PRICKLE2: variants seen among roughly 807,000 people sequenced by gnomAD.
The protein encoded by PRICKLE2 is prickle-like protein 2.
Under a neutral mutation model 81.4 loss-of-function variants are expected in PRICKLE2, and 21 were observed. The ratio of observed to expected loss-of-function variants is 0.26; its 90% CI spans 0.18 to 0.37. The LOEUF is 0.37. PRICKLE2 is among the 10% of genes least tolerant of loss of function. The pLI is 1.00. For missense variants in PRICKLE2, 940 were observed against 1,109.0 expected, an observed-to-expected ratio of 0.85 and a Z score of 2.16; for synonymous variants, 456 against 421.5, an observed-to-expected ratio of 1.08 and a Z score of -1.00.
At chr3:64,172,229 A>G (rs1036937120) in intron 2 of PRICKLE2, among the ~76,000 whole-genome samples, 2 of 152,256 alleles carry the variant, frequency 1.3e-5, no homozygotes, top group Non-Finnish European at 2.9e-5. Flanking sequence ...CTACACTTAA[A>G]TAGACTCCCT....
intron 2 of PRICKLE2, among the ~76,000 whole-genome samples, chr3:64,266,066 T>C (rs1362823031): frequency 6.6e-6 from 1 of 152,178 alleles, no homozygotes; most frequent in Non-Finnish European, 1.5e-5. Flanking sequence ...GAGGAAAGAC[T>C]GCCTTGTAAC....
intron 2 of PRICKLE2, among the ~76,000 whole-genome samples, chr3:64,235,306 G>A (rs1431526328): frequency 6.6e-6 from 1 of 152,126 alleles, no homozygotes; most frequent in Non-Finnish European, 1.5e-5. Context: ...TGTTTAGAAA[G>A]TTTCATGTAG....
At chr3:64,154,638 G>A (rs1399406358) in intron 5 of PRICKLE2, 1 of 152,166 alleles carries the variant, frequency 6.6e-6, no homozygotes, top group Non-Finnish European at 1.5e-5. Context: ...AAATCTTTAT[G>A]ATCTTGAACT....
intron 2 of PRICKLE2, among the ~76,000 whole-genome samples, chr3:64,251,436 G>A (rs990607776): frequency 1.4e-4 from 22 of 152,148 alleles, no homozygotes; most frequent in African/African-American, 5.1e-4. Context: ...TTTGTCAGTG[G>A]GACAGGGGGG....
intron 2 of PRICKLE2, among the ~76,000 whole-genome samples, chr3:64,260,834 T>C (rs1031476813): frequency 2.6e-5 from 4 of 152,192 alleles, no homozygotes. Flanking sequence ...CTGGGAAAGA[T>C]CAGCTCTGAC....
chr3:64,258,467 A>G (rs978082436), intron 2 of PRICKLE2, among the ~76,000 whole-genome samples: 4 of 152,202 alleles, frequency 2.6e-5, no homozygotes, highest in Non-Finnish European at 5.9e-5. Flanking sequence ...CAGGTATGCA[A>G]GAGTACATAT....
chr3:64,194,737 A>C (rs1327247793), intron 2 of PRICKLE2, among the ~76,000 whole-genome samples: 1 of 152,168 alleles, frequency 6.6e-6, no homozygotes, highest in East Asian at 1.9e-4. Context: ...TCACTGTTTG[A>C]GTTTGAAATG....
At chr3:64,146,741 T>C in intron 7 of PRICKLE2, 89 bp downstream of exon 7, 2 of 1,375,754 alleles carry the variant, frequency 1.5e-6, no homozygotes, top group Non-Finnish European at 2.0e-6. Context: ...AGACTCCATT[T>C]CAAAAAAAAA....
intron 7 of PRICKLE2, among the ~76,000 whole-genome samples, chr3:64,115,510 CA>C (rs1439408022): frequency 6.6e-6 from 1 of 152,052 alleles, no homozygotes; most frequent in East Asian, 1.9e-4. Flanking sequence ...AAAAACCTAC[CA>C]AGCAAATGGA....
chr3:64,168,861 C>T (rs2077883288), intron 2 of PRICKLE2, among the ~76,000 whole-genome samples: 1 of 152,162 alleles, frequency 6.6e-6, no homozygotes, highest in Admixed American at 6.5e-5. Flanking sequence ...ACATAACCAA[C>T]ACACAGCTCC....
At chr3:64,124,807 G>C (rs1449787226) in intron 7 of PRICKLE2, among the ~76,000 whole-genome samples, 1 of 152,182 alleles carries the variant, frequency 6.6e-6, no homozygotes, top group Non-Finnish European at 1.5e-5. Flanking sequence ...TCACCCAAGA[G>C]GTATGACGGA....
intron 7 of PRICKLE2, among the ~76,000 whole-genome samples, chr3:64,122,994 G>A (rs977748695): frequency 6.6e-6 from 1 of 152,160 alleles, no homozygotes. Flanking sequence ...CAAAATATCA[G>A]AGCAGGTGTG....
chr3:64,143,505 C>T (rs1367359290), intron 7 of PRICKLE2, among the ~76,000 whole-genome samples: 2 of 152,190 alleles, frequency 1.3e-5, no homozygotes, highest in Non-Finnish European at 2.9e-5. Flanking sequence ...TGAGTGTCTT[C>T]CTCACTTGCC....
chr3:64,125,305 A>T (rs981642597), intron 7 of PRICKLE2, among the ~76,000 whole-genome samples: 1 of 152,258 alleles, frequency 6.6e-6, no homozygotes, highest in African/African-American at 2.4e-5. Context: ...TGTTGAAATG[A>T]CAACAAAAGA....
At chr3:64,178,333 A>G (rs2078060366) in intron 2 of PRICKLE2, among the ~76,000 whole-genome samples, 1 of 152,166 alleles carries the variant, frequency 6.6e-6, no homozygotes. Context: ...GTATCCTCCT[A>G]TAGGTAGGCA....
At chr3:64,142,821 T>G (rs2077384518) in intron 7 of PRICKLE2, among the ~76,000 whole-genome samples, 1 of 152,186 alleles carries the variant, frequency 6.6e-6, no homozygotes, top group African/African-American at 2.4e-5. Flanking sequence ...CATTTAACCC[T>G]CACCAAAGCT....
chr3:64,259,852 A>G (rs938098571), intron 2 of PRICKLE2, among the ~76,000 whole-genome samples: 3 of 152,194 alleles, frequency 2.0e-5, no homozygotes, highest in Admixed American at 2.0e-4. Context: ...GAGACAGCCA[A>G]CACCCTGACT....
At chr3:64,205,444 T>C (rs1017196403) in intron 1 of PRICKLE2, among the ~76,000 whole-genome samples, 108 of 152,290 alleles carry the variant, frequency 7.1e-4, no homozygotes, top group African/African-American at 2.4e-3. Context: ...TAACAATCTA[T>C]ACCAATTAAC....
chr3:64,133,398 G>A (rs1393651119), intron 7 of PRICKLE2, among the ~76,000 whole-genome samples: 2 of 152,148 alleles, frequency 1.3e-5, no homozygotes, highest in African/African-American at 2.4e-5. Flanking sequence ...GCAGCCAAGG[G>A]CCTGGCTGGG....
Sources: allele counts gnomAD v4.1 joint callset (sites outside exome capture counted in the v4.1 genomes callset), GRCh38; gene constraint gnomAD v4.1.1; transcripts MANE v1.5; gene names NCBI Gene and HGNC (gene_info 2026-07-23, HGNC 2026-07-21).